The following PPP1R42 variants were observed in gnomAD, a reference collection of about 807,000 sequenced individuals.
The protein encoded by PPP1R42 is protein phosphatase 1 regulatory subunit 42, also known as leucine rich repeat containing 67.
Under a neutral mutation model 31.0 loss-of-function variants are expected in PPP1R42, and 34 were observed. The observed-to-expected ratio is 1.10, with a 90% CI of 0.83 to 1.46. The LOEUF (loss-of-function observed/expected upper bound fraction) is 1.46. Among genes scored for constraint, PPP1R42 ranks in the 40% most tolerant of loss-of-function variants. The pLI is 0.00. For synonymous variants in PPP1R42, 103 were observed against 109.8 expected, an observed-to-expected ratio of 0.94 and a Z score of 0.39; for missense variants, 268 against 303.0, an observed-to-expected ratio of 0.88 and a Z score of 0.86.
At chr8:66,989,308 C>T (rs1408599709) in intron 5 of PPP1R42, among the ~76,000 whole-genome samples, 1 of 152,094 alleles carries the variant, frequency 6.6e-6, no homozygotes, top group Non-Finnish European at 1.5e-5. Flanking sequence ...CTAACTGTCT[C>T]AGTTTGCTTT....
At chr8:66,990,644 G>A (rs923415793) in intron 5 of PPP1R42, among the ~76,000 whole-genome samples, 1 of 152,118 alleles carries the variant, frequency 6.6e-6, no homozygotes, top group African/African-American at 2.4e-5. Context: ...CTTTCTAGGC[G>A]TCTGCAGCAC....
intron 5 of PPP1R42, among the ~76,000 whole-genome samples, chr8:66,990,501 T>G (rs934281200): frequency 6.6e-6 from 1 of 152,220 alleles, no homozygotes. Context: ...TTCAATAAGT[T>G]ACTAAAGGAA....
At chr8:67,002,314 C>G (rs1158553879) in intron 5 of PPP1R42, among the ~76,000 whole-genome samples, 2 of 152,216 alleles carry the variant, frequency 1.3e-5, no homozygotes, top group African/African-American at 4.8e-5. Flanking sequence ...ACTCTCCTGC[C>G]TCAGCTTCCC....
At chr8:67,024,155 C>CA (rs1295315363) in intron 1 of PPP1R42, among the ~76,000 whole-genome samples, 3 of 150,364 alleles carry the variant, frequency 2.0e-5, no homozygotes, top group African/African-American at 4.9e-5. Context: ...AAAAAAAAAC[C>CA]AAAAAAAAGA....
chr8:67,007,044 CT>C lies in PPP1R42; in HGVS notation c.552+3670del, dbSNP rs759204581. Among the ~76,000 whole-genome samples the C allele has an allele frequency of 5.0e-3, 714 of 142,216 alleles. 3 individuals are homozygous for C. Among genetic ancestry groups the C allele is most frequent in the Non-Finnish European group, 5.5e-3 (353 of 64,470 alleles). The allele number at this position is 142,216 out of a possible 152,430, so 93.3% of individuals were successfully genotyped here. A position where few individuals can be genotyped will look rare whatever the true frequency, so the allele number is the denominator to read the frequency against. Reference sequence around the variant, plus strand: ...AGGCGTAAGCCACTGCGCCCGGCCTCTTTTTTTTTTTTTAGTAGAGACAGAG... The same window carrying C: ...AGGCGTAAGCCACTGCGCCCGGCCTCTTTTTTTTTTTTAGTAGAGACAGAG... On this transcript the variant is annotated intron_variant, in intron 5 of 7. Coordinates refer to ENST00000685739, the MANE Select transcript of PPP1R42 (RefSeq NM_001364910.1).
intron 5 of PPP1R42, among the ~76,000 whole-genome samples, chr8:66,989,703 C>T (rs1209631222): frequency 6.6e-6 from 1 of 152,126 alleles, no homozygotes; most frequent in African/African-American, 2.4e-5. Flanking sequence ...TTAGTCTGCA[C>T]TAGACTTTGA....
chr8:66,964,341 TTA>T lies in PPP1R42; in HGVS notation c.803-9_803-8del, dbSNP rs1814323818. 8.0e-7 allele frequency: 1 copy of T among 1,243,116 alleles called. No homozygotes were observed. Among genetic ancestry groups the T allele is most frequent in the Non-Finnish European group, 1.0e-6 (1 of 972,510 alleles). 77.0% of individuals were successfully genotyped at this position (1,243,116 alleles called of 1,614,324 possible). A position where few individuals can be genotyped will look rare whatever the true frequency, so the allele number is the denominator to read the frequency against. ...TTGCTTCAAAGAGAGATTCCTGTATTTATAGAGAGGGAAAAAAAAGCATTAAA... is the reference window on the plus strand; with the variant it reads ...TTGCTTCAAAGAGAGATTCCTGTATTTAGAGAGGGAAAAAAAAGCATTAAA... On this transcript the variant is annotated splice_region_variant and splice_polypyrimidine_tract_variant and intron_variant, in intron 7 of 7. Coordinates refer to ENST00000685739, the MANE Select transcript of PPP1R42 (RefSeq NM_001364910.1).
intron 5 of PPP1R42, among the ~76,000 whole-genome samples, chr8:66,992,037 C>T (rs555840016): frequency 6.6e-6 from 1 of 152,268 alleles, no homozygotes; most frequent in Non-Finnish European, 1.5e-5. Context: ...AATCTGGTGC[C>T]ACTGAAAAGG....
chr8:67,024,064 T>C (rs1352519826), intron 1 of PPP1R42, among the ~76,000 whole-genome samples: 1 of 151,984 alleles, frequency 6.6e-6, no homozygotes, highest in African/African-American at 2.4e-5. Context: ...GAGAATCACT[T>C]GAACCCGTTA....
chr8:66,986,993 G>A (rs1034111570), intron 6 of PPP1R42, among the ~76,000 whole-genome samples: 4 of 151,978 alleles, frequency 2.6e-5, no homozygotes, highest in Non-Finnish European at 5.9e-5. Flanking sequence ...ATGAAACCCC[G>A]CCTCTACTCT....
intron 7 of PPP1R42, among the ~76,000 whole-genome samples, chr8:66,977,336 CTTT>C (rs1308140668): frequency 2.4e-5 from 3 of 125,786 alleles, no homozygotes; most frequent in African/African-American, 2.9e-5. Context: ...CCCACCCTTG[CTTT>C]TTTTTTTTTT....
chr8:66,974,060 GT>G (rs1373040427), intron 7 of PPP1R42, among the ~76,000 whole-genome samples: 1 of 152,132 alleles, frequency 6.6e-6, no homozygotes, highest in Non-Finnish European at 1.5e-5. Flanking sequence ...GAGTACTGAT[GT>G]CTCTTGGAAA....
chr8:67,028,378 C>A (rs2129537356), intron 1 of PPP1R42, 113 bp downstream of exon 1: 1 of 473,976 alleles, frequency 2.1e-6, no homozygotes. Context: ...AGATAGGGCC[C>A]AAGGATCTGC....
At position 67,017,640 on chromosome 8, in the gene PPP1R42, T is replaced by C. The variant is rs1463310364; in HGVS notation, c.108A>G (p.Ser36=). 1.9e-6 allele frequency: 3 copies of C among 1,545,690 alleles called. No individual in the cohort carries two copies. Among genetic ancestry groups the C allele is most frequent in the Non-Finnish European group, 2.6e-6 (3 of 1,145,222 alleles). The change falls in exon 2 of 8, where the codon TCA becomes TCG. Residue 36 remains serine, a synonymous_variant. Coordinates refer to ENST00000685739, the MANE Select transcript of PPP1R42 (RefSeq NM_001364910.1). ...TTACAATTGCATCTATATTTTTGTC[T>C]GAAAAATTTATATGAGTTATTTTCT... The part of the protein sequence containing the change: ...CLKKITHINF[S]DKNIDAIEDL...
intron 2 of PPP1R42, 122 bp downstream of exon 2, chr8:67,017,497 C>CAAA: frequency 2.1e-6 from 1 of 475,258 alleles, no homozygotes; most frequent in Non-Finnish European, 3.3e-6. Flanking sequence ...GACTCTATCT[C>CAAA]AAAAAAAAAA....
chr8:66,977,806 G>A (rs778275745), intron 7 of PPP1R42, among the ~76,000 whole-genome samples: 4 of 151,946 alleles, frequency 2.6e-5, no homozygotes, highest in Non-Finnish European at 5.9e-5. Context: ...TCGCTTGGCC[G>A]CTAATTTTAA....
At chr8:66,981,010 T>C (rs1814814633) in intron 7 of PPP1R42, among the ~76,000 whole-genome samples, 1 of 151,820 alleles carries the variant, frequency 6.6e-6, no homozygotes, top group Admixed American at 6.6e-5. Flanking sequence ...GCCTGGCTAA[T>C]TTTTGTATTT....
chr8:66,977,508 TC>T (rs1814712547), intron 7 of PPP1R42, among the ~76,000 whole-genome samples: 1 of 151,958 alleles, frequency 6.6e-6, no homozygotes, highest in Non-Finnish European at 1.5e-5. Context: ...GAGCTAATTT[TC>T]TTTCTTTCTT....
At chr8:67,015,208 G>A (rs1460658708) in intron 2 of PPP1R42, among the ~76,000 whole-genome samples, 1 of 151,760 alleles carries the variant, frequency 6.6e-6, no homozygotes, top group African/African-American at 2.4e-5. Flanking sequence ...TAGTAGAGAC[G>A]GGGTTTCACT....
Sources: gnomAD v4.1 joint callset for allele counts (sites outside exome capture counted in the v4.1 genomes callset) on GRCh38, gnomAD v4.1.1 for gene constraint, MANE v1.5 for transcripts, NCBI Gene and HGNC (gene_info 2026-07-23, HGNC 2026-07-21) for gene names.